The following RBFOX2 variants were observed in gnomAD, a reference collection of about 807,000 sequenced individuals.
RBFOX2 encodes RNA binding protein fox-1 homolog 2.
RBFOX2 carries 10 observed loss-of-function variants against 49.1 expected under a neutral mutation model. The ratio of observed to expected loss-of-function variants is 0.20; its 90% CI spans 0.13 to 0.35. The LOEUF is 0.35. Among genes scored for constraint, RBFOX2 ranks in the 10% least tolerant of loss-of-function variants. RBFOX2 has a pLI of 1.00. For missense variants in RBFOX2, 323 were observed against 486.9 expected, an observed-to-expected ratio of 0.66 and a Z score of 3.17; for synonymous variants, 183 against 187.4, an observed-to-expected ratio of 0.98 and a Z score of 0.19.
intron 1 of RBFOX2, 92 bp from the exon 3 acceptor site, chr22:35,810,096 C>T: frequency 8.0e-7 from 1 of 1,249,790 alleles, no homozygotes; most frequent in Non-Finnish European, 1.1e-6. Flanking sequence ...TCTGAATATT[C>T]TCTCACTGCA....
chr22:35,890,490 A>T (rs2047111562), intron 1 of RBFOX2, among the ~76,000 whole-genome samples: 1 of 152,188 alleles, frequency 6.6e-6, no homozygotes, highest in Non-Finnish European at 1.5e-5. Context: ...TCTCTCTCAA[A>T]ATATAATACT....
At chr22:35,953,361 AT>A (rs2055178826) in intron 1 of RBFOX2, among the ~76,000 whole-genome samples, 1 of 152,182 alleles carries the variant, frequency 6.6e-6, no homozygotes, top group African/African-American at 2.4e-5. Flanking sequence ...TACAACATGG[AT>A]AAACAATGAA....
chr22:35,874,517 A>G (rs1325015251), intron 1 of RBFOX2, among the ~76,000 whole-genome samples: 1 of 152,206 alleles, frequency 6.6e-6, no homozygotes, highest in Non-Finnish European at 1.5e-5. Context: ...CAGAAAGGAA[A>G]TTTGACATAA....
At chr22:35,884,000 CTTTTTTT>C (rs34644201) in intron 1 of RBFOX2, among the ~76,000 whole-genome samples, 8 of 62,686 alleles carry the variant, frequency 1.3e-4, no homozygotes, top group East Asian at 1.3e-3. Flanking sequence ...GTAGTTATCT[CTTTTTTT>C]TTTTTTTTTT....
chr22:35,930,230 A>T (rs2052220183), intron 1 of RBFOX2, among the ~76,000 whole-genome samples: 1 of 151,716 alleles, frequency 6.6e-6, no homozygotes, highest in Admixed American at 6.6e-5. Flanking sequence ...CATGTTGGCC[A>T]GGCTGGTTTC....
At chr22:35,856,073 T>C (rs537896985) in intron 1 of RBFOX2, among the ~76,000 whole-genome samples, 4 of 152,098 alleles carry the variant, frequency 2.6e-5, no homozygotes, top group African/African-American at 7.2e-5. Context: ...AGAAATTTAA[T>C]GATATCAGGG....
chr22:35,992,318 C>CA (rs1311478050), intron 1 of RBFOX2: 1 of 152,074 alleles, frequency 6.6e-6, no homozygotes, highest in African/African-American at 2.4e-5. Flanking sequence ...CACACACACA[C>CA]AAGTAACAAT....
intron 1 of RBFOX2, among the ~76,000 whole-genome samples, chr22:35,858,718 C>T (rs1005869413): frequency 1.3e-5 from 2 of 150,118 alleles, no homozygotes; most frequent in African/African-American, 4.9e-5. Context: ...CCTGGCTACT[C>T]AGGAGGCTGA....
At chr22:35,786,260 A>C (rs1946364591) in intron 2 of RBFOX2, among the ~76,000 whole-genome samples, 1 of 152,228 alleles carries the variant, frequency 6.6e-6, no homozygotes, top group South Asian at 2.1e-4. Context: ...GATCAGAAGC[A>C]AGACTGGTTA....
At position 35,765,403 on chromosome 22, in the gene RBFOX2, C is replaced by T. The variant is rs572682018; in HGVS notation, c.607+20G>A. ...ATTTACACAAGAATAAACACTCTTT[C>T]GAAGATTATAATTTCTTACCATTTG... On this transcript the variant is annotated intron_variant, in intron 6 of 11. Transcript: ENST00000405409. 1.2e-5 allele frequency: 17 copies of T among 1,476,444 alleles called. No homozygotes were observed. The highest frequency in any genetic ancestry group is 2.4e-5 in the South Asian group (2 of 82,470). 91.5% of individuals were successfully genotyped at this position (1,476,444 alleles called of 1,614,324 possible). A position where few individuals can be genotyped will look rare whatever the true frequency, so the allele number is the denominator to read the frequency against.
intron 2 of RBFOX2, among the ~76,000 whole-genome samples, chr22:35,804,066 T>C (rs190434014): frequency 1.3e-5 from 2 of 152,242 alleles, no homozygotes; most frequent in Non-Finnish European, 2.9e-5. Context: ...GATCATGAGG[T>C]CAGGTGTTTG....
chr22:36,028,561 A>G, exon 1 of RBFOX2: 8 of 813,410 alleles, frequency 9.8e-6, no homozygotes, highest in Non-Finnish European at 1.2e-5. Flanking sequence ...CGTGCGCGCG[A>G]GCGGACTCCG....
intron 4 of RBFOX2, among the ~76,000 whole-genome samples, chr22:35,769,022 G>C (rs1447220224): frequency 1.3e-5 from 2 of 152,002 alleles, no homozygotes; most frequent in Admixed American, 6.6e-5. Context: ...ACTAAGCAGT[G>C]GTCAATTATA....
chr22:35,964,955 A>T (rs780128121), upstream of RBFOX2, among the ~76,000 whole-genome samples: 4 of 152,238 alleles, frequency 2.6e-5, no homozygotes, highest in Non-Finnish European at 4.4e-5. Context: ...TCTTTCAAAT[A>T]ATATTTTCAA....
At chr22:35,866,020 A>G (rs2043640797) in intron 1 of RBFOX2, among the ~76,000 whole-genome samples, 1 of 152,252 alleles carries the variant, frequency 6.6e-6, no homozygotes, top group Non-Finnish European at 1.5e-5. Flanking sequence ...TAGAAGACAC[A>G]GAGATCCAGC....
intron 1 of RBFOX2, among the ~76,000 whole-genome samples, chr22:35,896,519 C>T (rs1161957949): frequency 6.6e-6 from 1 of 152,188 alleles, no homozygotes; most frequent in Non-Finnish European, 1.5e-5. Context: ...TCAAGGTAGG[C>T]CCCATGCAGG....
At chr22:35,744,012 T>G (rs1931237084) in exon 12 of RBFOX2, 1 of 463,764 alleles carries the variant, frequency 2.2e-6, no homozygotes, top group African/African-American at 2.0e-5. Context: ...AGGCAGAAAT[T>G]TAAAGGAAAA....
chr22:35,924,999 T>C (rs1230994035), intron 1 of RBFOX2, among the ~76,000 whole-genome samples: 2 of 151,798 alleles, frequency 1.3e-5, no homozygotes, highest in Non-Finnish European at 2.9e-5. Flanking sequence ...GCCAACATGG[T>C]GAAACCCCAT....
intron 1 of RBFOX2, among the ~76,000 whole-genome samples, chr22:35,821,602 CAAAAAAAAAA>C (rs1158936385): frequency 1.1e-4 from 4 of 36,416 alleles, no homozygotes; most frequent in Non-Finnish European, 1.9e-4. Context: ...ACTCCGTCTC[CAAAAAAAAAA>C]AAAAAAAAAA....
Sources: gnomAD v4.1 joint callset for allele counts (sites outside exome capture counted in the v4.1 genomes callset) on GRCh38, gnomAD v4.1.1 for gene constraint, MANE v1.5 for transcripts, NCBI Gene and HGNC (gene_info 2026-07-23, HGNC 2026-07-21) for gene names.